Variants in SH2D4A observed in about 807,000 individuals in gnomAD.
SH2D4A encodes SH2 domain-containing protein 4A.
In SH2D4A, 70 loss-of-function variants were observed where a neutral mutation model predicts 64.7. That is an observed-to-expected ratio of 1.08 (90% CI 0.89 to 1.32). SH2D4A has a LOEUF of 1.32. Among genes scored for constraint, SH2D4A ranks in the 40% most tolerant of loss-of-function variants. SH2D4A has a pLI of 0.00. For synonymous variants in SH2D4A, 268 were observed against 200.7 expected (o/e 1.34, Z -2.83); for missense variants, 706 against 540.1 (o/e 1.31, Z -3.04).
intron 8 of SH2D4A, among the ~76,000 whole-genome samples, chr8:19,376,491 G>A (rs1234016675): frequency 6.6e-6 from 1 of 152,094 alleles, no homozygotes; most frequent in East Asian, 1.9e-4. Context: ...ACATGGTGGT[G>A]CACACTTGTA....
intron 4 of SH2D4A, among the ~76,000 whole-genome samples, chr8:19,335,563 A>G (rs375389399): frequency 2.0e-5 from 3 of 152,228 alleles, no homozygotes; most frequent in East Asian, 3.9e-4. Flanking sequence ...TGTCACAGCT[A>G]TACACAAATG....
rs145865613 is a variant in SH2D4A at position 19,335,402 on chromosome 8, C to T, written c.513+545C>T. Among the ~76,000 whole-genome samples the T allele has an allele frequency of 7.2e-4, 109 of 152,206 alleles. 1 individual carries two copies. The East Asian group carries it at 0.018, about 25-fold the overall frequency. ...TTCATGAGACTGAAAGTAACAAGAA[C>T]GCTAGGAATGCAATTTGGCATTTTA... On this transcript the variant is annotated intron_variant, in intron 4 of 9. Transcript: ENST00000265807.
At chr8:19,359,175 G>C (rs989835484) in intron 5 of SH2D4A, among the ~76,000 whole-genome samples, 1 of 152,080 alleles carries the variant, frequency 6.6e-6, no homozygotes, top group Non-Finnish European at 1.5e-5. Flanking sequence ...GGTCAGGGCC[G>C]TATATAGATG....
chr8:19,386,011 C>T (rs770854784), intron 8 of SH2D4A, among the ~76,000 whole-genome samples: 8 of 152,194 alleles, frequency 5.3e-5, no homozygotes, highest in South Asian at 2.1e-4. Context: ...ATATATCCTG[C>T]CTCATTTACA....
At chr8:19,321,611 C>T (rs1187013988) in intron 2 of SH2D4A, among the ~76,000 whole-genome samples, 1 of 152,226 alleles carries the variant, frequency 6.6e-6, no homozygotes, top group Non-Finnish European at 1.5e-5. Context: ...ATCCAAAATA[C>T]AACTTTTCCT....
At chr8:19,368,110 A>G (rs2053031377) in intron 7 of SH2D4A, among the ~76,000 whole-genome samples, 1 of 152,154 alleles carries the variant, frequency 6.6e-6, no homozygotes, top group Non-Finnish European at 1.5e-5. Flanking sequence ...TATATTGAAG[A>G]GACTATCCTT....
Position 19,334,761 on chromosome 8 carries a change from C to T in SH2D4A, c.417C>T (p.Asn139=). The T allele has an allele frequency of 6.2e-7, 1 of 1,614,016 alleles. No individual in the cohort carries two copies. The highest frequency in any genetic ancestry group is 8.5e-7 in the Non-Finnish European group (1 of 1,179,988). Residue 139 remains asparagine (N), a synonymous_variant, in exon 4 of 10, where the codon AAC becomes AAT. Transcript: ENST00000265807. ...ACCATGATCTGCAGGCTCCGGATAACCAGCAGACTAAAGACATCTGGAAGA... is the reference window on the plus strand; with the variant it reads ...ACCATGATCTGCAGGCTCCGGATAATCAGCAGACTAAAGACATCTGGAAGA... ...SQYHDLQAPD[N]QQTKDIWKKV...
chr8:19,339,385 G>C (rs1356691615), intron 4 of SH2D4A, among the ~76,000 whole-genome samples: 2 of 151,660 alleles, frequency 1.3e-5, no homozygotes, highest in Admixed American at 6.6e-5. Flanking sequence ...CCATCAAGTT[G>C]ACACTCAATA....
chr8:19,388,591 C>T (rs1303219207), intron 8 of SH2D4A, among the ~76,000 whole-genome samples: 1 of 152,148 alleles, frequency 6.6e-6, no homozygotes, highest in Non-Finnish European at 1.5e-5. Flanking sequence ...CTTTATTTGG[C>T]CATCTTTCAT....
intron 2 of SH2D4A, among the ~76,000 whole-genome samples, chr8:19,330,142 C>T (rs2052347468): frequency 6.6e-6 from 1 of 152,192 alleles, no homozygotes; most frequent in Non-Finnish European, 1.5e-5. Flanking sequence ...AACTCATTTT[C>T]TGCCTTGTAG....
intron 2 of SH2D4A, among the ~76,000 whole-genome samples, chr8:19,320,924 G>T (rs1250155704): frequency 6.6e-6 from 1 of 152,110 alleles, no homozygotes; most frequent in African/African-American, 2.4e-5. Context: ...TTGCATCCCT[G>T]GTATATGCCC....
chr8:19,377,854 G>GA (rs1230972580), intron 8 of SH2D4A, among the ~76,000 whole-genome samples: 2 of 152,058 alleles, frequency 1.3e-5, no homozygotes, highest in African/African-American at 4.8e-5. Flanking sequence ...TAGGAGGTAG[G>GA]ATATGTGCAT....
intron 8 of SH2D4A, among the ~76,000 whole-genome samples, chr8:19,377,513 A>G (rs1357073852): frequency 1.3e-5 from 2 of 152,216 alleles, no homozygotes; most frequent in African/African-American, 2.4e-5. Context: ...TGCTGTAAAC[A>G]TATATATTGT....
chr8:19,353,808 G>C (rs2052747933), intron 4 of SH2D4A, among the ~76,000 whole-genome samples: 2 of 150,096 alleles, frequency 1.3e-5, no homozygotes, highest in Non-Finnish European at 3.0e-5. Flanking sequence ...CAAGTTTTAA[G>C]TTTTTCATGT....
At chr8:19,373,991 TC>T (rs886145727) in intron 8 of SH2D4A, among the ~76,000 whole-genome samples, 3 of 152,140 alleles carry the variant, frequency 2.0e-5, no homozygotes, top group Non-Finnish European at 2.9e-5. Context: ...GGCCACGTCT[TC>T]CTTTCACCGA....
At chr8:19,331,521 G>A (rs375259090) in intron 2 of SH2D4A, among the ~76,000 whole-genome samples, 28 of 152,268 alleles carry the variant, frequency 1.8e-4, no homozygotes, top group African/African-American at 4.6e-4. Context: ...CGATGTGGCC[G>A]CATTTCAGGA....
rs757829378 is a variant in SH2D4A at position 19,334,670 on chromosome 8, T to G, written c.342-16T>G. The G allele has an allele frequency of 1.3e-6, 2 of 1,576,612 alleles. No individual in the cohort carries two copies. Among genetic ancestry groups the G allele is most frequent in the South Asian group, 2.3e-5 (2 of 85,154 alleles). ...GAAGAATGTTTTTTGAGAATTTCAC[T>G]TTTGCCTCTCTTCAGAAAAACTCAC... On this transcript the variant is annotated splice_polypyrimidine_tract_variant and intron_variant, in intron 3 of 9. Coordinates refer to ENST00000265807, the MANE Select transcript of SH2D4A (RefSeq NM_022071.4).
At chr8:19,376,687 A>G (rs1461235589) in intron 8 of SH2D4A, among the ~76,000 whole-genome samples, 1 of 152,150 alleles carries the variant, frequency 6.6e-6, no homozygotes, top group Non-Finnish European at 1.5e-5. Flanking sequence ...GACATCCAGA[A>G]TAACTTTTGA....
intron 4 of SH2D4A, 127 bp downstream of exon 4, chr8:19,334,984 T>C: frequency 2.6e-6 from 3 of 1,149,212 alleles, no homozygotes; most frequent in Non-Finnish European, 3.6e-6. Context: ...AAATGCCTCC[T>C]AACTTTAAGA....
Sources: allele counts gnomAD v4.1 joint callset (sites outside exome capture counted in the v4.1 genomes callset), GRCh38; gene constraint gnomAD v4.1.1; transcripts MANE v1.5; gene names NCBI Gene and HGNC (gene_info 2026-07-23, HGNC 2026-07-21).